The following SNX29 variants were observed in gnomAD, a reference collection of about 807,000 sequenced individuals.
The protein encoded by SNX29 is sorting nexin-29.
In SNX29, 78 loss-of-function variants were observed where a neutral mutation model predicts 102.1. The ratio of observed to expected loss-of-function variants is 0.76; its 90% CI spans 0.64 to 0.92. The LOEUF (loss-of-function observed/expected upper bound fraction) is 0.92. SNX29 is among the 40% of genes least tolerant of loss of function. The pLI, the probability that SNX29 is intolerant of heterozygous loss-of-function variation, is 0.00. For missense variants in SNX29, 1,280 were observed against 1,061.7 expected, an observed-to-expected ratio of 1.21 and a Z score of -2.86; for synonymous variants, 580 against 414.5, an observed-to-expected ratio of 1.40 and a Z score of -4.85.
At chr16:12,286,404 G>A (rs1447455625) in intron 15 of SNX29, among the ~76,000 whole-genome samples, 2 of 148,798 alleles carry the variant, frequency 1.3e-5, no homozygotes, top group Admixed American at 6.7e-5. Context: ...GGAGTGCAGT[G>A]GTGTGATCTC....
chr16:12,222,133 G>A (rs991375608), intron 14 of SNX29, among the ~76,000 whole-genome samples: 2 of 152,214 alleles, frequency 1.3e-5, no homozygotes, highest in Non-Finnish European at 1.5e-5. Context: ...GTGCTATTAC[G>A]ATCTTCATTC....
Position 12,568,766 on chromosome 16 carries a change from ACAC to A in SNX29, c.*138_*140del, listed in dbSNP as rs934605673. ...TGAGAGCACACGATTCCCAACAGTT[ACAC>A]AACACCCCGATTAAACTAATCAGTC... is the stretch of plus-strand genomic sequence containing the variant. On this transcript the variant is annotated 3_prime_UTR_variant, in exon 21 of 21. Transcript: ENST00000566228. 1.7e-5 allele frequency: 22 copies of A among 1,311,102 alleles called. No homozygotes were observed. The African/African-American group carries it at 1.8e-4, about 11-fold the overall frequency. 81.2% of individuals were successfully genotyped at this position (1,311,102 alleles called of 1,614,324 possible).
chr16:12,432,118 G>A (rs576315541), intron 18 of SNX29, among the ~76,000 whole-genome samples: 5 of 152,334 alleles, frequency 3.3e-5, no homozygotes, highest in Admixed American at 6.5e-5. Context: ...ACACAGGGGT[G>A]GAGGCTGCTT....
Position 12,571,405 on chromosome 16 carries a change from T to TCA in SNX29, c.*2779_*2780dup, listed in dbSNP as rs1317070056. 4.3e-6 allele frequency: 1 copy of TCA among 232,146 alleles called. No individual in the cohort carries two copies. The highest frequency in any genetic ancestry group is 2.2e-5 in the African/African-American group (1 of 45,198). The allele number at this position is 232,146 out of a possible 1,614,324, so 14.4% of individuals were successfully genotyped here. ...CCCTGAGGAAAGGATTGCTTGCACC[T>TCA]CACATCTGTCTTCTTCTAAGATTAC... On this transcript the variant is annotated 3_prime_UTR_variant, in exon 21 of 21. Transcript: ENST00000566228.
chr16:12,344,813 A>G (rs1448950251), intron 15 of SNX29, among the ~76,000 whole-genome samples: 1 of 152,196 alleles, frequency 6.6e-6, no homozygotes, highest in East Asian at 1.9e-4. Flanking sequence ...GCTGCCTTCT[A>G]ACTCCCAGGT....
At chr16:12,183,390 C>G (rs2076437477) in intron 13 of SNX29, among the ~76,000 whole-genome samples, 1 of 151,922 alleles carries the variant, frequency 6.6e-6, no homozygotes, top group South Asian at 2.1e-4. Context: ...TTGGATGTAC[C>G]TACCGTCCAC....
At chr16:12,350,742 C>T (rs1408925730) in intron 15 of SNX29, among the ~76,000 whole-genome samples, 1 of 152,202 alleles carries the variant, frequency 6.6e-6, no homozygotes, top group Non-Finnish European at 1.5e-5. Flanking sequence ...TTGTGTTTAC[C>T]AGTGGCTCTC....
intron 15 of SNX29, among the ~76,000 whole-genome samples, chr16:12,345,752 C>T (rs988065688): frequency 2.0e-5 from 3 of 152,142 alleles, no homozygotes; most frequent in Admixed American, 1.3e-4. Flanking sequence ...GGGGGTGCAG[C>T]CGTATTCTCG....
intron 15 of SNX29, among the ~76,000 whole-genome samples, chr16:12,322,650 A>G (rs545537996): frequency 6.6e-6 from 1 of 152,242 alleles, no homozygotes; most frequent in South Asian, 2.1e-4. Flanking sequence ...GGAGACCTCT[A>G]TTAGGATGCA....
intron 3 of SNX29, among the ~76,000 whole-genome samples, chr16:12,016,976 T>A (rs1033852690): frequency 4.0e-5 from 6 of 150,968 alleles, no homozygotes; most frequent in Non-Finnish European, 7.4e-5. Context: ...AAAAAAAAAA[T>A]TAAAAAAATT....
chr16:12,179,008 CATAA>C (rs1414460615), intron 13 of SNX29, among the ~76,000 whole-genome samples: 2 of 152,056 alleles, frequency 1.3e-5, no homozygotes, highest in Non-Finnish European at 1.5e-5. Flanking sequence ...TATAAAATAG[CATAA>C]ATAAATAACC....
chr16:12,521,054 C>T lies in SNX29; in HGVS notation c.2179-3648C>T, dbSNP rs534856782. Among the ~76,000 whole-genome samples the T allele has an allele frequency of 3.3e-5, 5 of 152,150 alleles. No homozygotes were observed. The East Asian group carries it at 9.7e-4, about 29-fold the overall frequency. ...TTAGCCAGACATGGCTGTGTGTGTG[C>T]CTGTAATCCCAGCTACTTGGGAGGC... On this transcript the variant is annotated intron_variant, in intron 19 of 20. Transcript: ENST00000566228.
At chr16:12,292,637 G>GT (rs1317833758) in intron 15 of SNX29, among the ~76,000 whole-genome samples, 1 of 152,232 alleles carries the variant, frequency 6.6e-6, no homozygotes, top group Non-Finnish European at 1.5e-5. Context: ...TGAATGGCTT[G>GT]TAGCAGTTTG....
chr16:12,027,071 TA>T (rs2057212823), intron 3 of SNX29, among the ~76,000 whole-genome samples: 1 of 152,204 alleles, frequency 6.6e-6, no homozygotes, highest in Non-Finnish European at 1.5e-5. Context: ...TGTGAATTGT[TA>T]CTGTGCCAGT....
Position 12,569,820 on chromosome 16 carries a change from GC to G in SNX29, c.*1192del, listed in dbSNP as rs923542216. Reference sequence around the variant, plus strand: ...ATGCTCAGCAAAGTTGTGGCAGTTTGCATTTCTAGGGTAAACTAACTAGGAA... The same window carrying G: ...ATGCTCAGCAAAGTTGTGGCAGTTTGATTTCTAGGGTAAACTAACTAGGAA... On this transcript the variant is annotated 3_prime_UTR_variant, in exon 21 of 21. Transcript: ENST00000566228. 1.3e-5 allele frequency: 3 copies of G among 230,142 alleles called. No homozygotes were observed. Among genetic ancestry groups the G allele is most frequent in the African/African-American group, 6.6e-5 (3 of 45,150 alleles). 14.3% of individuals were successfully genotyped at this position (230,142 alleles called of 1,614,324 possible). A position where few individuals can be genotyped will look rare whatever the true frequency, so the allele number is the denominator to read the frequency against.
intron 13 of SNX29, among the ~76,000 whole-genome samples, chr16:12,178,760 A>G (rs1034383498): frequency 1.3e-5 from 2 of 152,146 alleles, no homozygotes; most frequent in Non-Finnish European, 2.9e-5. Context: ...TTCCGACTTG[A>G]GTAGTATTTT....
intron 4 of SNX29, among the ~76,000 whole-genome samples, chr16:12,036,143 T>C (rs1484454203): frequency 2.6e-5 from 4 of 151,864 alleles, no homozygotes; most frequent in Non-Finnish European, 5.9e-5. Context: ...GGTGCAATCA[T>C]AGCTCACTAC....
intron 13 of SNX29, among the ~76,000 whole-genome samples, chr16:12,174,703 A>G (rs2076222062): frequency 6.6e-6 from 1 of 152,236 alleles, no homozygotes; most frequent in Admixed American, 6.5e-5. Flanking sequence ...TTTCCACGTG[A>G]TAATGCTGTT....
intron 19 of SNX29, among the ~76,000 whole-genome samples, chr16:12,516,093 G>C (rs150988609): frequency 1.3e-5 from 2 of 152,130 alleles, no homozygotes; most frequent in African/African-American, 2.4e-5. Context: ...TAAGTCAGCC[G>C]ATGGCTCTCG....
Sources: allele counts gnomAD v4.1 joint callset (sites outside exome capture counted in the v4.1 genomes callset), GRCh38; gene constraint gnomAD v4.1.1; transcripts MANE v1.5; gene names NCBI Gene and HGNC (gene_info 2026-07-23, HGNC 2026-07-21).